Variants in SDHAF3 observed in about 807,000 individuals in gnomAD.
The protein encoded by SDHAF3 is succinate dehydrogenase assembly factor 3, mitochondrial.
Under a neutral mutation model 11.5 loss-of-function variants are expected in SDHAF3, and 18 were observed. The ratio of observed to expected loss-of-function variants is 1.56; its 90% CI spans 1.08 to 2.32. The LOEUF (loss-of-function observed/expected upper bound fraction) is 2.32. SDHAF3 is among the 30% of genes most tolerant of loss of function. The pLI is 0.00. For synonymous variants in SDHAF3, 72 were observed against 59.3 expected (o/e 1.21, Z -0.99); for missense variants, 200 against 154.4 (o/e 1.30, Z -1.57).
chr7:97,166,414 G>A (rs1423307349), intron 1 of SDHAF3, among the ~76,000 whole-genome samples: 4 of 144,244 alleles, frequency 2.8e-5, no homozygotes, highest in Non-Finnish European at 3.1e-5. Context: ...ATTTTCTGAT[G>A]GGCAATTGGT....
chr7:97,161,337 T>C (rs773415771), intron 1 of SDHAF3, among the ~76,000 whole-genome samples: 1 of 152,154 alleles, frequency 6.6e-6, no homozygotes, highest in Non-Finnish European at 1.5e-5. Flanking sequence ...TCAGCAAGCA[T>C]CTATATAGTC....
At chr7:97,138,962 A>G (rs1584215722) in intron 1 of SDHAF3, among the ~76,000 whole-genome samples, 1 of 151,990 alleles carries the variant, frequency 6.6e-6, no homozygotes, top group Admixed American at 6.6e-5. Flanking sequence ...CACAGGATCC[A>G]CACTCAGCCT....
At chr7:97,131,143 T>C (rs1452102955) in intron 1 of SDHAF3, among the ~76,000 whole-genome samples, 4 of 152,166 alleles carry the variant, frequency 2.6e-5, no homozygotes, top group African/African-American at 9.7e-5. Context: ...GATTTAAAAT[T>C]AGTGTTTCCA....
chr7:97,136,743 T>C (rs1309494303), intron 1 of SDHAF3, among the ~76,000 whole-genome samples: 1 of 152,222 alleles, frequency 6.6e-6, no homozygotes, highest in Non-Finnish European at 1.5e-5. Flanking sequence ...AAAAAGTAGA[T>C]GTATATGGTG....
At chr7:97,140,196 G>GT (rs1361562944) in intron 1 of SDHAF3, among the ~76,000 whole-genome samples, 1 of 152,066 alleles carries the variant, frequency 6.6e-6, no homozygotes, top group Non-Finnish European at 1.5e-5. Flanking sequence ...ATGTTTTACT[G>GT]TCTTTGTCTG....
At chr7:97,137,982 C>T (rs979110949) in intron 1 of SDHAF3, among the ~76,000 whole-genome samples, 1 of 147,916 alleles carries the variant, frequency 6.8e-6, no homozygotes, top group Non-Finnish European at 1.5e-5. Flanking sequence ...GAGCAATTCT[C>T]CTGCCTCAGC....
chr7:97,180,432 C>T (rs1374251502), intron 1 of SDHAF3, among the ~76,000 whole-genome samples: 1 of 152,170 alleles, frequency 6.6e-6, no homozygotes, highest in Non-Finnish European at 1.5e-5. Context: ...AAACTGGGAA[C>T]AGCTGACAGC....
intron 1 of SDHAF3, among the ~76,000 whole-genome samples, chr7:97,130,200 A>G (rs954521378): frequency 1.3e-5 from 2 of 151,086 alleles, no homozygotes; most frequent in African/African-American, 4.9e-5. Flanking sequence ...TGAATCCTGG[A>G]GAAGGTGGTT....
chr7:97,136,106 T>TA (rs1791764639), intron 1 of SDHAF3, among the ~76,000 whole-genome samples: 1 of 151,840 alleles, frequency 6.6e-6, no homozygotes, highest in Non-Finnish European at 1.5e-5. Context: ...TCAGTTAATG[T>TA]TTCACCTGCA....
chr7:97,128,794 G>A (rs1017887430), intron 1 of SDHAF3, among the ~76,000 whole-genome samples: 1 of 152,128 alleles, frequency 6.6e-6, no homozygotes, highest in Non-Finnish European at 1.5e-5. Context: ...GTATACAACT[G>A]AAGTTTTACA....
chr7:97,149,708 A>G (rs939147315), intron 1 of SDHAF3, among the ~76,000 whole-genome samples: 3 of 152,234 alleles, frequency 2.0e-5, no homozygotes, highest in Non-Finnish European at 4.4e-5. Flanking sequence ...CTGATCAAGA[A>G]TCTTGCCTCA....
intron 1 of SDHAF3, among the ~76,000 whole-genome samples, chr7:97,153,027 A>G (rs1285981086): frequency 6.6e-6 from 1 of 152,226 alleles, no homozygotes; most frequent in Admixed American, 6.5e-5. Flanking sequence ...CTAGTCTCCA[A>G]GCAAGGAGGA....
intron 1 of SDHAF3, among the ~76,000 whole-genome samples, chr7:97,118,144 G>C (rs992794713): frequency 5.3e-5 from 8 of 152,098 alleles, no homozygotes; most frequent in Non-Finnish European, 1.2e-4. Flanking sequence ...GTGCTCAAAG[G>C]GTGAGGGTAG....
intron 1 of SDHAF3, among the ~76,000 whole-genome samples, chr7:97,125,300 T>C (rs1791558500): frequency 6.6e-6 from 1 of 152,222 alleles, no homozygotes; most frequent in South Asian, 2.1e-4. Flanking sequence ...TTTGCCTAGT[T>C]CTTTTAATTG....
At chr7:97,156,401 G>A (rs1320990279) in intron 1 of SDHAF3, among the ~76,000 whole-genome samples, 1 of 152,130 alleles carries the variant, frequency 6.6e-6, no homozygotes, top group Non-Finnish European at 1.5e-5. Flanking sequence ...CATTAATGTG[G>A]CTGATGAGCT....
At chr7:97,140,733 C>CGCAAGCTCGTCATCTTT (rs1330799050) in intron 1 of SDHAF3, among the ~76,000 whole-genome samples, 2 of 145,366 alleles carry the variant, frequency 1.4e-5, no homozygotes, top group African/African-American at 5.2e-5. Context: ...CCGTCATCTT[C>CGCAAGCTCGTCATCTTT]GCAAGCTGAG....
chr7:97,127,835 C>T (rs1022953421), intron 1 of SDHAF3, among the ~76,000 whole-genome samples: 1 of 148,186 alleles, frequency 6.7e-6, no homozygotes, highest in Non-Finnish European at 1.5e-5. Context: ...TACTCATTGT[C>T]GGTGTTTTTG....
chr7:97,142,042 C>CTTTGTTTTTTTT (rs1789055387), intron 1 of SDHAF3, among the ~76,000 whole-genome samples: 1 of 61,680 alleles, frequency 1.6e-5, no homozygotes, highest in East Asian at 6.7e-4. Context: ...GAATTGTTGT[C>CTTTGTTTTTTTT]TTTTTTTTTT....
At chr7:97,119,937 A>G (rs1791466448) in intron 1 of SDHAF3, among the ~76,000 whole-genome samples, 1 of 152,184 alleles carries the variant, frequency 6.6e-6, no homozygotes, top group South Asian at 2.1e-4. Flanking sequence ...ACATGATACT[A>G]ACATGACTTC....
Sources: allele counts gnomAD v4.1 joint callset (sites outside exome capture counted in the v4.1 genomes callset), GRCh38; gene constraint gnomAD v4.1.1; transcripts MANE v1.5; gene names NCBI Gene and HGNC (gene_info 2026-07-23, HGNC 2026-07-21).